The following PTP4A3 variants were observed in gnomAD, a reference collection of about 807,000 sequenced individuals.
The protein encoded by PTP4A3 is protein tyrosine phosphatase 4A3, also known as protein tyrosine phosphatase type IVA 3.
A neutral mutation model predicts 15.2 loss-of-function variants in PTP4A3; 9 were observed. The observed-to-expected ratio is 0.59, with a 90% CI of 0.36 to 1.03. The LOEUF (loss-of-function observed/expected upper bound fraction) is 1.03, where lower values mean the gene tolerates loss of function less well. Ranked by LOEUF, PTP4A3 falls within the 50% of genes least tolerant of loss-of-function variation. PTP4A3 has a pLI of 0.02. For missense variants in PTP4A3, 234 were observed against 252.1 expected (o/e 0.93, Z 0.49); for synonymous variants, 95 against 102.0 (o/e 0.93, Z 0.41).
At chr8:141,428,922 C>T (rs1190948355) in intron 5 of PTP4A3, among the ~76,000 whole-genome samples, 1 of 152,234 alleles carries the variant, frequency 6.6e-6, no homozygotes, top group East Asian at 1.9e-4. Flanking sequence ...ACATGACATG[C>T]ACTCTCACAC....
Position 141,419,822 on chromosome 8 carries a change from G to A in PTP4A3, c.-853-1566G>A, listed in dbSNP as rs918884469. On this transcript the variant is annotated intron_variant, in intron 1 of 5. Coordinates refer to ENST00000521578, the MANE Select transcript of PTP4A3 (RefSeq NM_032611.3). ...TTGAACTCCTGACCTCAGGTGATCC[G>A]CCCGCCTTGGCCTCCCAAAATGCTG... is the stretch of plus-strand genomic sequence containing the variant. 3.9e-5 allele frequency among the ~76,000 whole-genome samples: 6 copies of A among 152,138 alleles called. No individual in the cohort carries two copies. The East Asian group carries it at 1.2e-3, about 29-fold the overall frequency.
Position 141,420,179 on chromosome 8 carries a change from C to A in PTP4A3, c.-853-1209C>A, listed in dbSNP as rs570484128. 9.3e-4 allele frequency among the ~76,000 whole-genome samples: 141 copies of A among 152,246 alleles called. 2 individuals are homozygous for A. Among genetic ancestry groups the A allele is most frequent in the Middle Eastern group, 3.4e-3 (1 of 294 alleles). On this transcript the variant is annotated intron_variant, in intron 1 of 5. Transcript: ENST00000521578. ...TTGGGGAATGGAGGGCTCTGCTGGG[C>A]GAGGGGCCCTGAAGTGCCTTTCCTT...
intron 5 of PTP4A3, 64 bp downstream of exon 5, chr8:141,427,888 G>A (rs1250292403): frequency 4.2e-6 from 6 of 1,439,472 alleles, no homozygotes; most frequent in East Asian, 2.5e-5. Context: ...GGCTGCCCAC[G>A]AAGGGTGGCG....
chr8:141,430,538 A>G (rs1198521371), intron 5 of PTP4A3, among the ~76,000 whole-genome samples: 4 of 152,182 alleles, frequency 2.6e-5, no homozygotes, highest in Non-Finnish European at 5.9e-5. Flanking sequence ...GCTGGGCTGG[A>G]ATTCTGGGCT....
chr8:141,427,029 G>T lies in PTP4A3; in HGVS notation c.289G>T (p.Gly97Cys). 1 of 1,601,992 alleles carries T rather than the reference G, an allele frequency of 6.2e-7. No homozygotes were observed. Reference sequence around the variant, plus strand: ...GAAGGCCAAGTTCTGTGAGGCCCCCGGCAGCTGCGTGGCTGTGCACTGCGT... The same window carrying T: ...GAAGGCCAAGTTCTGTGAGGCCCCCTGCAGCTGCGTGGCTGTGCACTGCGT... ...LVKAKFCEAP[G>C]SCVAVHCVAG... The change falls in exon 4 of 6, where the codon GGC (glycine) becomes TGC (cysteine). Residue 97 changes from glycine (G) to cysteine (C), a missense_variant. Coordinates refer to ENST00000521578, the MANE Select transcript of PTP4A3 (RefSeq NM_032611.3).
chr8:141,419,086 C>T (rs2130088053), intron 1 of PTP4A3, among the ~76,000 whole-genome samples: 1 of 152,252 alleles, frequency 6.6e-6, no homozygotes, highest in South Asian at 2.1e-4. Flanking sequence ...GAGCGTAGCC[C>T]AGGCTAACCC....
chr8:141,421,112 T>A (rs1288884400), intron 1 of PTP4A3, among the ~76,000 whole-genome samples: 1 of 152,144 alleles, frequency 6.6e-6, no homozygotes, highest in Non-Finnish European at 1.5e-5. Flanking sequence ...GTCCCTGAAA[T>A]CCCTGTCCCC....
chr8:141,418,578 G>A (rs937493642), intron 1 of PTP4A3, among the ~76,000 whole-genome samples: 1 of 152,236 alleles, frequency 6.6e-6, no homozygotes, highest in East Asian at 1.9e-4. Flanking sequence ...GGGCCTGCTG[G>A]CCCGAGGAGG....
rs181611649 is a variant in PTP4A3, at chr8:141,424,212, A to G, written c.106-836A>G. On this transcript the variant is annotated intron_variant, in intron 2 of 5. Coordinates refer to ENST00000521578, the MANE Select transcript of PTP4A3 (RefSeq NM_032611.3). The stretch of plus-strand genomic sequence containing the variant: ...CCCTGTCCCGTGACCAGCAAGACCC[A>G]TCAGCTGATTCCTCACCCCTCCCAA... Among the ~76,000 whole-genome samples the G allele has an allele frequency of 2.4e-3, 358 of 152,276 alleles. 2 individuals are homozygous for G. Among genetic ancestry groups the G allele is most frequent in the African/African-American group, 8.4e-3 (348 of 41,548 alleles).
chr8:141,407,937 G>A (rs970430927), intron 1 of PTP4A3, among the ~76,000 whole-genome samples: 4 of 152,156 alleles, frequency 2.6e-5, no homozygotes, highest in Admixed American at 6.5e-5. Context: ...CATCATTAGC[G>A]TTAGTGTATT....
At chr8:141,424,647 G>T (rs1294890254) in intron 2 of PTP4A3, among the ~76,000 whole-genome samples, 1 of 152,096 alleles carries the variant, frequency 6.6e-6, no homozygotes, top group African/African-American at 2.4e-5. Flanking sequence ...GGAGTGGTGT[G>T]CTGGGCAGCT....
chr8:141,414,970 G>A (rs1178953104), intron 1 of PTP4A3, among the ~76,000 whole-genome samples: 2 of 141,520 alleles, frequency 1.4e-5, no homozygotes, highest in Non-Finnish European at 3.1e-5. Context: ...CCTGCGGAAG[G>A]AACTATGTTA....
At chr8:141,423,347 G>A (rs372398009) in intron 2 of PTP4A3, among the ~76,000 whole-genome samples, 2 of 152,328 alleles carry the variant, frequency 1.3e-5, no homozygotes, top group African/African-American at 2.4e-5. Flanking sequence ...AGAACAGCAC[G>A]GTGAGTGGCC....
At chr8:141,401,130 C>T (rs1338170503) in intron 1 of PTP4A3, among the ~76,000 whole-genome samples, 2 of 152,298 alleles carry the variant, frequency 1.3e-5, no homozygotes, top group East Asian at 3.9e-4. Flanking sequence ...ATCCTTAAAC[C>T]TCAGGGTCCC....
intron 1 of PTP4A3, among the ~76,000 whole-genome samples, chr8:141,398,891 C>G (rs994675364): frequency 1.1e-4 from 16 of 152,106 alleles, no homozygotes; most frequent in African/African-American, 3.6e-4. Context: ...ACGGCCTCGT[C>G]CTCACCCGCC....
Position 141,431,911 on chromosome 8 carries a change from C to T in PTP4A3, c.*867C>T, listed in dbSNP as rs530099414. The stretch of plus-strand genomic sequence containing the variant: ...GGTGTCCACATTTCCGGCTCCGAGG[C>T]GCAGAGAAGGGGGCAGGTGGTGGCT... On this transcript the variant is annotated 3_prime_UTR_variant, in exon 6 of 6. Coordinates refer to ENST00000521578, the MANE Select transcript of PTP4A3 (RefSeq NM_032611.3). 2.5e-3 allele frequency: 376 copies of T among 152,446 alleles called. No homozygotes were observed. The highest frequency in any genetic ancestry group is 3.8e-3 in the Non-Finnish European group (262 of 68,086). 9.4% of individuals were successfully genotyped at this position (152,446 alleles called of 1,614,324 possible).
intron 1 of PTP4A3, among the ~76,000 whole-genome samples, chr8:141,414,855 C>T (rs568109592): frequency 6.6e-6 from 1 of 152,146 alleles, no homozygotes; most frequent in East Asian, 1.9e-4. Flanking sequence ...TCCGCCCCCT[C>T]CTGATATCAC....
At chr8:141,402,728 C>T (rs1364010610) in intron 1 of PTP4A3, among the ~76,000 whole-genome samples, 1 of 151,788 alleles carries the variant, frequency 6.6e-6, no homozygotes, top group African/African-American at 2.4e-5. Context: ...ACTTTCCCCC[C>T]ACCCCTCCCC....
intron 1 of PTP4A3, among the ~76,000 whole-genome samples, chr8:141,401,452 G>A (rs187700426): frequency 5.9e-5 from 9 of 152,144 alleles, no homozygotes; most frequent in African/African-American, 1.2e-4. Context: ...AGGGTGTGAC[G>A]TCCCCCCGGC....
Sources: gnomAD v4.1 joint callset for allele counts (sites outside exome capture counted in the v4.1 genomes callset) on GRCh38, gnomAD v4.1.1 for gene constraint, MANE v1.5 for transcripts, NCBI Gene and HGNC (gene_info 2026-07-23, HGNC 2026-07-21) for gene names.